Variants in SGCZ observed in about 807,000 individuals in gnomAD.
The protein encoded by SGCZ is zeta-sarcoglycan.
SGCZ carries 40 observed loss-of-function variants against 41.3 expected under a neutral mutation model. The ratio of observed to expected loss-of-function variants is 0.97; its 90% CI spans 0.75 to 1.26. SGCZ has a LOEUF of 1.26. Among genes scored for constraint, SGCZ ranks in the 50% most tolerant of loss-of-function variants. The probability of loss-of-function intolerance (pLI) is 0.00; values close to 1 mark genes in which losing one functional copy is unlikely to be tolerated. For synonymous variants in SGCZ, 206 were observed against 137.5 expected (o/e 1.50, Z -3.49); for missense variants, 552 against 369.8 (o/e 1.49, Z -4.04).
At chr8:14,486,440 G>C (rs191423994) in intron 2 of SGCZ, among the ~76,000 whole-genome samples, 2 of 152,288 alleles carry the variant, frequency 1.3e-5, no homozygotes, top group Admixed American at 6.5e-5. Context: ...ATTGTATTTG[G>C]TGTCTTGCTG....
intron 1 of SGCZ, among the ~76,000 whole-genome samples, chr8:14,569,338 A>G (rs1263452212): frequency 1.3e-5 from 2 of 152,170 alleles, no homozygotes; most frequent in Non-Finnish European, 2.9e-5. Flanking sequence ...TACTTTTCAC[A>G]TAGATCTCTT....
chr8:14,313,955 T>C (rs2117006403), intron 3 of SGCZ, among the ~76,000 whole-genome samples: 1 of 130,906 alleles, frequency 7.6e-6, no homozygotes, highest in South Asian at 2.5e-4. Context: ...TGTGTGTGTG[T>C]TGGTGGAGAG....
chr8:14,245,388 C>T (rs997341909), intron 3 of SGCZ, among the ~76,000 whole-genome samples: 2 of 152,086 alleles, frequency 1.3e-5, no homozygotes, highest in African/African-American at 2.4e-5. Context: ...AACTGGCTAG[C>T]CATATGTAGA....
At chr8:14,326,418 T>C (rs953969027) in intron 2 of SGCZ, among the ~76,000 whole-genome samples, 7 of 151,834 alleles carry the variant, frequency 4.6e-5, no homozygotes, top group African/African-American at 1.5e-4. Context: ...AAAAAACGAA[T>C]AGGATTTAAC....
chr8:14,675,700 G>A (rs550468322), intron 1 of SGCZ, among the ~76,000 whole-genome samples: 24 of 152,242 alleles, frequency 1.6e-4, no homozygotes, highest in East Asian at 9.7e-4. Flanking sequence ...CTGATTTCCC[G>A]TCTTGCCTTA....
chr8:14,534,579 C>A (rs930720831), intron 2 of SGCZ, among the ~76,000 whole-genome samples: 1 of 151,898 alleles, frequency 6.6e-6, no homozygotes, highest in Non-Finnish European at 1.5e-5. Flanking sequence ...TTGAGGTGCT[C>A]ATGATCTGGG....
intron 2 of SGCZ, among the ~76,000 whole-genome samples, chr8:14,348,925 T>C (rs1802989365): frequency 6.6e-6 from 1 of 152,172 alleles, no homozygotes; most frequent in Non-Finnish European, 1.5e-5. Flanking sequence ...CAATGGAAAG[T>C]ATATAGAATT....
At chr8:14,536,029 C>T (rs1803286602) in intron 2 of SGCZ, among the ~76,000 whole-genome samples, 1 of 151,660 alleles carries the variant, frequency 6.6e-6, no homozygotes, top group African/African-American at 2.4e-5. Flanking sequence ...TTGGCAGATA[C>T]AAGTTTAAAA....
chr8:14,447,977 T>G (rs1214628809), intron 2 of SGCZ, among the ~76,000 whole-genome samples: 1 of 152,100 alleles, frequency 6.6e-6, no homozygotes, highest in African/African-American at 2.4e-5. Flanking sequence ...CAAACGGAAA[T>G]GTACATAGTG....
chr8:14,515,118 T>C (rs905081560), intron 2 of SGCZ, among the ~76,000 whole-genome samples: 3 of 151,980 alleles, frequency 2.0e-5, no homozygotes, highest in Non-Finnish European at 4.4e-5. Flanking sequence ...TACAGCCAGC[T>C]CTAGGTTAAG....
chr8:14,886,565 C>A (rs114849456), intron 1 of SGCZ, among the ~76,000 whole-genome samples: 2,860 of 152,054 alleles, frequency 0.019, 92 homozygotes, highest in African/African-American at 0.065. Context: ...GGAAGAAGAG[C>A]TTCCCAGGGG....
chr8:14,998,394 AT>A, intron 1 of SGCZ, among the ~76,000 whole-genome samples: 1 of 152,324 alleles, frequency 6.6e-6, no homozygotes, highest in South Asian at 2.1e-4. Flanking sequence ...TGATGATATA[AT>A]TTAGTTTATA....
At chr8:14,101,798 G>A (rs906285162) in intron 7 of SGCZ, among the ~76,000 whole-genome samples, 2 of 151,066 alleles carry the variant, frequency 1.3e-5, no homozygotes, top group South Asian at 2.1e-4. Flanking sequence ...AAGGACTGTC[G>A]TTATTCTTCT....
At position 14,935,048 on chromosome 8, in the gene SGCZ, C is replaced by T. The variant is rs574760961; in HGVS notation, c.39+302537G>A. Among the ~76,000 whole-genome samples, 5 of 144,288 alleles carry T rather than the reference C, an allele frequency of 3.5e-5. No individual in the cohort carries two copies. The South Asian group carries it at 1.1e-3, about 31-fold the overall frequency. 94.7% of individuals were successfully genotyped at this position (144,288 alleles called of 152,430 possible). On this transcript the variant is annotated intron_variant, in intron 1 of 7. Coordinates refer to ENST00000382080, the MANE Select transcript of SGCZ (RefSeq NM_139167.4). ...AAAAAAAAACTTTTAAAGGTGAAAA[C>T]TGAGATGATTTCTAAAAATTACAAT...
At chr8:14,309,543 C>G in intron 3 of SGCZ, 1 of 1,610,300 alleles carries the variant, frequency 6.2e-7, no homozygotes, top group Non-Finnish European at 8.5e-7. Flanking sequence ...AACAAAGAAG[C>G]TGTTACACAT....
chr8:14,675,362 G>A (rs1470834895), intron 1 of SGCZ, among the ~76,000 whole-genome samples: 1 of 151,850 alleles, frequency 6.6e-6, no homozygotes, highest in African/African-American at 2.4e-5. Flanking sequence ...TCTTTAGAAT[G>A]TACAACATAT....
In SGCZ at chr8:15,217,189, G is replaced by A. The variant is rs548623999; in HGVS notation, c.39+20396C>T. Among the ~76,000 whole-genome samples, 434 of 151,994 alleles carry A rather than the reference G, an allele frequency of 2.9e-3. 3 individuals carry two copies. The highest frequency in any genetic ancestry group is 9.9e-3 in the African/African-American group (410 of 41,502). On this transcript the variant is annotated intron_variant, in intron 1 of 7. Transcript: ENST00000382080. ...TCCCAGCACTTTGGGAGGCCGAGGC[G>A]GGCGGATCACGAGGTCAGGAGATCG...
At chr8:14,507,586 T>A (rs912003376) in intron 2 of SGCZ, among the ~76,000 whole-genome samples, 2 of 152,174 alleles carry the variant, frequency 1.3e-5, no homozygotes, top group Middle Eastern at 3.2e-3. Context: ...ATTTATTGAC[T>A]TTGCTTCTGC....
intron 1 of SGCZ, among the ~76,000 whole-genome samples, chr8:14,848,088 G>A (rs1047983855): frequency 6.6e-6 from 1 of 151,894 alleles, no homozygotes; most frequent in Non-Finnish European, 1.5e-5. Flanking sequence ...CTAGCAAACA[G>A]CTGAAAATAA....
Sources: allele counts gnomAD v4.1 joint callset (sites outside exome capture counted in the v4.1 genomes callset), GRCh38; gene constraint gnomAD v4.1.1; transcripts MANE v1.5; gene names NCBI Gene and HGNC (gene_info 2026-07-23, HGNC 2026-07-21).